The following TRHDE variants were observed in gnomAD, a reference collection of about 807,000 sequenced individuals.
TRHDE encodes the protein thyrotropin-releasing hormone-degrading ectoenzyme.
Under a neutral mutation model 125.7 loss-of-function variants are expected in TRHDE, and 72 were observed. The observed-to-expected ratio is 0.57, with a 90% confidence interval of 0.47 to 0.70. TRHDE has a LOEUF of 0.70. Ranked by LOEUF, TRHDE falls within the 30% of genes least tolerant of loss-of-function variation. The probability of loss-of-function intolerance (pLI) is 0.00; values close to 1 mark genes in which losing one functional copy is unlikely to be tolerated. For synonymous variants in TRHDE, 509 were observed against 509.1 expected, an observed-to-expected ratio of 1.00 and a Z score of 0.00; for missense variants, 1,110 against 1,327.1, an observed-to-expected ratio of 0.84 and a Z score of 2.54.
At chr12:72,442,002 A>G (rs900914046) in intron 3 of TRHDE, among the ~76,000 whole-genome samples, 6 of 151,810 alleles carry the variant, frequency 4.0e-5, no homozygotes, top group Non-Finnish European at 8.8e-5. Flanking sequence ...AACTGAAGCT[A>G]CAAGTCTCTT....
intron 2 of TRHDE, among the ~76,000 whole-genome samples, chr12:72,151,075 C>T (rs1391618710): frequency 6.6e-6 from 1 of 152,046 alleles, no homozygotes; most frequent in Non-Finnish European, 1.5e-5. Flanking sequence ...TTCCTGACTT[C>T]TTAATGATCA....
intron 4 of TRHDE, among the ~76,000 whole-genome samples, chr12:72,470,863 CTTTTTTTTTTTT>C (rs768937293): frequency 5.9e-5 from 4 of 67,930 alleles, no homozygotes; most frequent in South Asian, 5.9e-4. Flanking sequence ...TAAATGTCAG[CTTTTTTTTTTTT>C]TTTTTTTTTT....
chr12:72,339,346 T>C (rs1030567499), intron 2 of TRHDE, among the ~76,000 whole-genome samples: 1 of 152,210 alleles, frequency 6.6e-6, no homozygotes, highest in Non-Finnish European at 1.5e-5. Context: ...TCCACTGTTA[T>C]CTCAACGAAT....
In TRHDE at chr12:72,568,552, G is replaced by T. The variant is rs755922101; in HGVS notation, c.2043-16G>T. ...ATAGTTATTTTTATTCTTAAAGCTTGTCTTTTATTTTGCAGTTACCTGTGG... is the reference window on the plus strand; with the variant it reads ...ATAGTTATTTTTATTCTTAAAGCTTTTCTTTTATTTTGCAGTTACCTGTGG... On this transcript the variant is annotated splice_polypyrimidine_tract_variant and intron_variant, in intron 9 of 18. Transcript: ENST00000261180. 5 of 1,574,986 alleles carry T rather than the reference G, an allele frequency of 3.2e-6. No individual in the cohort carries two copies. Among genetic ancestry groups the T allele is most frequent in the Non-Finnish European group, 4.3e-6 (5 of 1,149,538 alleles).
intron 15 of TRHDE, among the ~76,000 whole-genome samples, chr12:72,636,211 T>C (rs1224754325): frequency 1.3e-5 from 2 of 152,200 alleles, no homozygotes; most frequent in African/African-American, 4.8e-5. Context: ...CTTGAAGAGG[T>C]CCTTCAGATC....
At chr12:72,279,880 TA>T (rs1031674333) in intron 1 of TRHDE, among the ~76,000 whole-genome samples, 9 of 152,176 alleles carry the variant, frequency 5.9e-5, no homozygotes, top group Non-Finnish European at 1.5e-5. Flanking sequence ...AGTTTTGTTT[TA>T]ATCATTCACA....
At position 72,394,706 on chromosome 12, in the gene TRHDE, T is replaced by C. The variant is rs974448952; in HGVS notation, c.1315+16585T>C. 1.2e-4 allele frequency among the ~76,000 whole-genome samples: 18 copies of C among 152,220 alleles called. 1 individual carries two copies. Among genetic ancestry groups the C allele is most frequent in the African/African-American group, 2.4e-5 (1 of 41,466 alleles). ...TCTCAAGTGTGGGCAATTTTCCCTT[T>C]ACATCTTGCAGCATACAAGCCTACA... On this transcript the variant is annotated intron_variant, in intron 3 of 18. Coordinates refer to ENST00000261180, the MANE Select transcript of TRHDE (RefSeq NM_013381.3).
chr12:72,482,003 C>A (rs970032220), intron 5 of TRHDE, among the ~76,000 whole-genome samples: 3 of 151,870 alleles, frequency 2.0e-5, no homozygotes, highest in African/African-American at 7.3e-5. Context: ...TATATTAGGT[C>A]AATAATTTTA....
intron 15 of TRHDE, among the ~76,000 whole-genome samples, chr12:72,643,943 C>A (rs1874174395): frequency 6.6e-6 from 1 of 152,062 alleles, no homozygotes; most frequent in South Asian, 2.1e-4. Context: ...ATGCTGGATG[C>A]CTTGGTATTA....
intron 1 of TRHDE, among the ~76,000 whole-genome samples, chr12:72,285,527 T>G (rs1879849469): frequency 6.7e-6 from 1 of 149,292 alleles, no homozygotes; most frequent in African/African-American, 2.4e-5. Context: ...TTCTTCTTTT[T>G]TTTTTTTTTT....
At chr12:72,266,591 T>C (rs1261560220) in intron 2 of TRHDE, among the ~76,000 whole-genome samples, 1 of 151,786 alleles carries the variant, frequency 6.6e-6, no homozygotes, top group Non-Finnish European at 1.5e-5. Context: ...TGCTAGGCAC[T>C]GTCCTCTCCA....
At chr12:72,508,255 T>C (rs1410909608) in intron 6 of TRHDE, among the ~76,000 whole-genome samples, 1 of 152,176 alleles carries the variant, frequency 6.6e-6, no homozygotes, top group Non-Finnish European at 1.5e-5. Flanking sequence ...CCTAGAATTA[T>C]AGATCCATTA....
intron 5 of TRHDE, among the ~76,000 whole-genome samples, chr12:72,478,859 A>T (rs1238629902): frequency 6.6e-6 from 1 of 151,528 alleles, no homozygotes; most frequent in Non-Finnish European, 1.5e-5. Flanking sequence ...TGTCAGAGTT[A>T]AGCAGGCCTG....
upstream of TRHDE, among the ~76,000 whole-genome samples, chr12:72,267,532 A>C (rs770299777): frequency 5.3e-5 from 8 of 152,030 alleles, no homozygotes; most frequent in African/African-American, 9.7e-5. Context: ...ACATAGTATA[A>C]TATTAATAGG....
chr12:72,482,926 G>C (rs540143247), intron 5 of TRHDE, among the ~76,000 whole-genome samples: 25 of 150,892 alleles, frequency 1.7e-4, no homozygotes, highest in Non-Finnish European at 3.4e-4. Context: ...GAAATTGTTG[G>C]CTTCTTTAGA....
rs2136119501 is a variant in TRHDE, at chr12:72,664,250, G to GTT, written c.*1057_*1058dup. 6.6e-6 allele frequency: 1 copy of GTT among 152,582 alleles called. No individual in the cohort carries two copies. Among genetic ancestry groups the GTT allele is most frequent in the African/African-American group, 2.4e-5 (1 of 41,554 alleles). The allele number at this position is 152,582 out of a possible 1,614,324, so 9.5% of individuals were successfully genotyped here. ...TTATAATTATTAGTGCTGAAAAAGA[G>GTT]TTTATTTTCCATCTTGTTTGTTTTC... On this transcript the variant is annotated 3_prime_UTR_variant, in exon 19 of 19. Coordinates refer to ENST00000261180, the MANE Select transcript of TRHDE (RefSeq NM_013381.3).
At chr12:72,301,115 A>T (rs548373648) in intron 2 of TRHDE, among the ~76,000 whole-genome samples, 1 of 152,268 alleles carries the variant, frequency 6.6e-6, no homozygotes, top group South Asian at 2.1e-4. Flanking sequence ...ATGAAGAAAT[A>T]CGGAGTTCTA....
intron 3 of TRHDE, among the ~76,000 whole-genome samples, chr12:72,442,108 A>T (rs1875043597): frequency 6.6e-6 from 1 of 151,890 alleles, no homozygotes; most frequent in Admixed American, 6.6e-5. Flanking sequence ...TTTGGGATTT[A>T]CGTTGGCATC....
chr12:72,276,243 A>G (rs925398034), intron 1 of TRHDE, among the ~76,000 whole-genome samples: 1 of 152,234 alleles, frequency 6.6e-6, no homozygotes, highest in Non-Finnish European at 1.5e-5. Context: ...AATAGGACGC[A>G]GATGCAAGCA....
Sources: allele counts gnomAD v4.1 joint callset (sites outside exome capture counted in the v4.1 genomes callset), GRCh38; gene constraint gnomAD v4.1.1; transcripts MANE v1.5; gene names NCBI Gene and HGNC (gene_info 2026-07-23, HGNC 2026-07-21).